PLAT: variants seen among roughly 807,000 people sequenced by gnomAD.
The protein encoded by PLAT is plasminogen activator, tissue type, also known as tissue-type plasminogen activator.
A neutral mutation model predicts 74.9 loss-of-function variants in PLAT; 48 were observed. That is an observed-to-expected ratio of 0.64 (90% CI 0.51 to 0.82). The LOEUF is 0.82. Among genes scored for constraint, PLAT ranks in the 40% least tolerant of loss-of-function variants. The pLI, the probability that PLAT is intolerant of heterozygous loss-of-function variation, is 0.00. For missense variants in PLAT, 673 were observed against 736.2 expected (o/e 0.91, Z 0.99); for synonymous variants, 307 against 294.4 (o/e 1.04, Z -0.44).
At chr8:42,178,334 G>A (rs893016022) in intron 13 of PLAT, among the ~76,000 whole-genome samples, 17 of 147,370 alleles carry the variant, frequency 1.2e-4, no homozygotes, top group Non-Finnish European at 2.2e-4. Context: ...GCAATGGCGC[G>A]ATCTCGGCTC....
intron 7 of PLAT, among the ~76,000 whole-genome samples, chr8:42,183,402 G>A (rs964263842): frequency 2.6e-5 from 4 of 152,230 alleles, no homozygotes; most frequent in African/African-American, 7.2e-5. Flanking sequence ...TTGAGAGAGA[G>A]TCTGGGGACA....
chr8:42,200,370 G>C (rs1045227107), intron 1 of PLAT, among the ~76,000 whole-genome samples: 3 of 151,830 alleles, frequency 2.0e-5, no homozygotes, highest in African/African-American at 7.3e-5. Flanking sequence ...GAGACCCTCG[G>C]CTGTACAAAA....
chr8:42,193,412 C>T (rs935978968), intron 1 of PLAT, among the ~76,000 whole-genome samples: 3 of 152,134 alleles, frequency 2.0e-5, no homozygotes, highest in Non-Finnish European at 4.4e-5. Context: ...ACAAAATTTA[C>T]CACCTTAACG....
intron 2 of PLAT, 42 bp from the exon 3 acceptor site, chr8:42,191,456 AG>A: frequency 2.5e-6 from 4 of 1,599,886 alleles, no homozygotes; most frequent in Non-Finnish European, 3.4e-6. Context: ...AGCACATGCC[AG>A]GTGTACTAAG....
rs780940022 is a variant in PLAT, at chr8:42,182,757, A to G, written c.765T>C (p.Ser255=). The G allele has an allele frequency of 1.4e-5, 23 of 1,612,636 alleles. 1 individual carries two copies. Among genetic ancestry groups the G allele is most frequent in the Middle Eastern group, 1.7e-4 (1 of 6,058 alleles). Reference sequence around the variant, plus strand: ...GTTTGCCCAGGCCCAGTGCCTGGGCACTGGGGTTCTGTGCTGTGTAAACCT... The same window carrying G: ...GTTTGCCCAGGCCCAGTGCCTGGGCGCTGGGGTTCTGTGCTGTGTAAACCT... ...IGKVYTAQNP[S]AQALGLGKHN... Residue 255 remains serine (S), a synonymous_variant, in exon 8 of 14, where the codon AGT becomes AGC. Coordinates refer to ENST00000220809, the MANE Select transcript of PLAT (RefSeq NM_000930.5).
chr8:42,180,251 TGTC>T lies in PLAT; in HGVS notation c.1210_1212del (p.Asp404del), dbSNP rs1220509193. 5 of 1,614,228 alleles carry T rather than the reference TGTC, an allele frequency of 3.1e-6. No individual in the cohort carries two copies. The highest frequency in any genetic ancestry group is 1.6e-4 in the Middle Eastern group (1 of 6,062). ...AATGACGAGCTCTTACCAATGTCAT[TGTC>T]GTAAGTGTCATCATCGAATTCCTTA... On this transcript the variant is annotated inframe_deletion, in exon 11 of 14. Transcript: ENST00000220809.
intron 9 of PLAT, 59 bp from the exon 10 acceptor site, chr8:42,180,744 TA>T: frequency 7.7e-7 from 1 of 1,302,868 alleles, no homozygotes; most frequent in Non-Finnish European, 1.1e-6. Flanking sequence ...CGTGTGTAGG[TA>T]GAGTGAGGAG....
chr8:42,196,573 C>T (rs928185384), intron 1 of PLAT, among the ~76,000 whole-genome samples: 6 of 152,130 alleles, frequency 3.9e-5, no homozygotes, highest in Non-Finnish European at 8.8e-5. Context: ...AGGTGGGCGT[C>T]GAGGTCTGGG....
chr8:42,184,635 T>G (rs1004468225), intron 7 of PLAT: 1 of 151,974 alleles, frequency 6.6e-6, no homozygotes, highest in Non-Finnish European at 1.5e-5. Context: ...GCTGGGTTTA[T>G]AGGCATAAGC....
intron 7 of PLAT, 150 bp downstream of exon 7, chr8:42,184,931 T>C: frequency 1.8e-6 from 1 of 550,714 alleles, no homozygotes; most frequent in Non-Finnish European, 3.2e-6. Flanking sequence ...GGCACAGACC[T>C]AAGTCCTGTC....
chr8:42,195,768 G>A (rs1271650931), intron 1 of PLAT: 2 of 152,120 alleles, frequency 1.3e-5, no homozygotes, highest in Admixed American at 6.5e-5. Context: ...AATAGCTCAT[G>A]TGAAACTCCC....
rs1433291004 is a variant in PLAT, at chr8:42,175,985, G to A, written c.*8C>T. The A allele has an allele frequency of 1.9e-6, 3 of 1,613,820 alleles. No individual in the cohort carries two copies. Among genetic ancestry groups the A allele is most frequent in the Non-Finnish European group, 1.7e-6 (2 of 1,179,764 alleles). On this transcript the variant is annotated 3_prime_UTR_variant, in exon 14 of 14. Transcript: ENST00000220809. ...CTCATTTGCTTTTGAGGAGTCGGGT[G>A]TTCCTGGTCACGGTCGCATGTTGTC...
Position 42,191,397 on chromosome 8 carries a change from G to A in PLAT, c.90C>T (p.Phe30=), listed in dbSNP as rs891292462. 1.8e-5 allele frequency: 29 copies of A among 1,613,982 alleles called. No individual in the cohort carries two copies. The highest frequency in any genetic ancestry group is 2.4e-5 in the Non-Finnish European group (28 of 1,179,988). ...CTTGGTAAGATCTGGCTCCTCTTCTGAATCGGGCATGGATTTCCTGCGAAG... is the reference window on the plus strand; with the variant it reads ...CTTGGTAAGATCTGGCTCCTCTTCTAAATCGGGCATGGATTTCCTGCGAAG... ...VSPSQEIHAR[F]RRGARSYQVI... Residue 30 remains phenylalanine (F), a synonymous_variant, in exon 3 of 14, where the codon TTC becomes TTT. Coordinates refer to ENST00000220809, the MANE Select transcript of PLAT (RefSeq NM_000930.5).
At chr8:42,187,631 G>A in intron 5 of PLAT, 59 bp from the exon 6 acceptor site, 1 of 1,475,242 alleles carries the variant, frequency 6.8e-7, no homozygotes, top group Non-Finnish European at 9.2e-7. Context: ...TCAGCCCTCA[G>A]GAGGCTCCCC....
intron 1 of PLAT, chr8:42,193,491 C>A: frequency 6.7e-6 from 2 of 296,698 alleles, no homozygotes; most frequent in Non-Finnish European, 6.5e-6. Context: ...CACCACCGCC[C>A]ATCTCCAGAA....
chr8:42,181,079 A>G (rs1315365776), intron 9 of PLAT, among the ~76,000 whole-genome samples: 1 of 152,096 alleles, frequency 6.6e-6, no homozygotes, highest in Non-Finnish European at 1.5e-5. Flanking sequence ...CCCAGGTGCA[A>G]TCCTGCCTCC....
chr8:42,196,939 C>T (rs1379527506), intron 1 of PLAT, among the ~76,000 whole-genome samples: 3 of 152,050 alleles, frequency 2.0e-5, no homozygotes, highest in Non-Finnish European at 4.4e-5. Context: ...AGGAAGGCCC[C>T]AAGGTTGGCT....
Position 42,180,071 on chromosome 8 carries a change from G to A in PLAT, c.1223-5C>T. On this transcript the variant is annotated splice_polypyrimidine_tract_variant and splice_region_variant and intron_variant, in intron 11 of 13. Transcript: ENST00000220809. ...CCGATTTCAGCTGCAGCAGCGCTGG[G>A]AGGGAGAAAGGAGGAGTGAGCTGGC... 5 of 1,602,942 alleles carry A rather than the reference G, an allele frequency of 3.1e-6. No individual in the cohort carries two copies. The highest frequency in any genetic ancestry group is 4.3e-6 in the Non-Finnish European group (5 of 1,172,380).
At chr8:42,191,011 G>C (rs1335402808) in intron 3 of PLAT, among the ~76,000 whole-genome samples, 2 of 152,208 alleles carry the variant, frequency 1.3e-5, no homozygotes, top group Non-Finnish European at 2.9e-5. Flanking sequence ...GCTGGCGGCT[G>C]TGTGACCCTG....
Sources: allele counts gnomAD v4.1 joint callset (sites outside exome capture counted in the v4.1 genomes callset), GRCh38; gene constraint gnomAD v4.1.1; transcripts MANE v1.5; gene names NCBI Gene and HGNC (gene_info 2026-07-23, HGNC 2026-07-21).